Variants in POU6F2 observed in about 807,000 individuals in gnomAD.
POU6F2 encodes the protein POU class 6 homeobox 2.
POU6F2 carries 31 observed loss-of-function variants against 71.3 expected under a neutral mutation model. The ratio of observed to expected loss-of-function variants is 0.43; its 90% confidence interval spans 0.33 to 0.59. The LOEUF (loss-of-function observed/expected upper bound fraction) is 0.59, where lower values mean the gene tolerates loss of function less well. Among genes scored for constraint, POU6F2 ranks in the 20% least tolerant of loss-of-function variants. The pLI is 0.04. For synonymous variants in POU6F2, 347 were observed against 355.7 expected, an observed-to-expected ratio of 0.98 and a Z score of 0.27; for missense variants, 783 against 856.8, an observed-to-expected ratio of 0.91 and a Z score of 1.07.
At position 39,030,500 on chromosome 7, in the gene POU6F2, CTATATATATATATATATATATATA is replaced by C. The variant is rs58426134; in HGVS notation, c.105+52463_105+52486del. On this transcript the variant is annotated intron_variant, in intron 1 of 9. Transcript: ENST00000518318. ...TCCTGTATTGAACTTTCAAAAAATA[CTATATATATATATATATATATATA>C]TATATATATATATATATATACACAC... Among the ~76,000 whole-genome samples the C allele has an allele frequency of 1.6e-3, 74 of 46,244 alleles. 6 individuals are homozygous for C. The East Asian group carries it at 0.033, about 21-fold the overall frequency. 30.3% of individuals were successfully genotyped at this position (46,244 alleles called of 152,430 possible). A position where few individuals can be genotyped will look rare whatever the true frequency, so the allele number is the denominator to read the frequency against.
chr7:39,282,875 TG>T (rs1562775845), intron 4 of POU6F2, among the ~76,000 whole-genome samples: 2 of 152,142 alleles, frequency 1.3e-5, no homozygotes, highest in Non-Finnish European at 2.9e-5. Context: ...TTGGGTAGTA[TG>T]AACATTTTAA....
intron 1 of POU6F2, among the ~76,000 whole-genome samples, chr7:39,031,650 A>G (rs1328878101): frequency 1.3e-5 from 2 of 152,080 alleles, no homozygotes; most frequent in Non-Finnish European, 2.9e-5. Context: ...TGGGAGGCCA[A>G]AGTGGGCATA....
At position 39,397,814 on chromosome 7, in the gene POU6F2, G is replaced by GTATATATATATATATATATATATA. The variant is rs150006644; in HGVS notation, c.973-8766_973-8765insTATATATATATATATATATATATA. On this transcript the variant is annotated intron_variant, in intron 5 of 9. Coordinates refer to ENST00000518318, the MANE Select transcript of POU6F2 (RefSeq NM_001370959.1). ...ATAATATGTATTTTATATATTTTGTGTATATATATATATATATATAGTAGA... is the reference window on the plus strand; with the variant it reads ...ATAATATGTATTTTATATATTTTGTGTATATATATATATATATATATATATATATATATATATATATATAGTAGA... Among the ~76,000 whole-genome samples, 1,074 of 128,136 alleles carry GTATATATATATATATATATATATA rather than the reference G, an allele frequency of 8.4e-3. 43 individuals carry two copies. The highest frequency in any genetic ancestry group is 0.027 in the African/African-American group (820 of 30,416). 84.1% of individuals were successfully genotyped at this position (128,136 alleles called of 152,430 possible). A position where few individuals can be genotyped will look rare whatever the true frequency, so the allele number is the denominator to read the frequency against.
At chr7:39,368,376 A>G (rs1217233354) in intron 5 of POU6F2, among the ~76,000 whole-genome samples, 1 of 152,246 alleles carries the variant, frequency 6.6e-6, no homozygotes, top group Non-Finnish European at 1.5e-5. Context: ...CAATTGTATG[A>G]AGGCTGAGAG....
intron 1 of POU6F2, among the ~76,000 whole-genome samples, chr7:39,084,732 G>A (rs1159704376): frequency 6.6e-5 from 10 of 151,994 alleles, no homozygotes; most frequent in Admixed American, 5.9e-4. Context: ...ATAAAACACA[G>A]GCATACCGCA....
In POU6F2 at chr7:39,034,739, T is replaced by G. The variant is rs536203893; in HGVS notation, c.106-51121T>G. 5.9e-5 allele frequency among the ~76,000 whole-genome samples: 9 copies of G among 152,268 alleles called. 1 individual carries two copies. The South Asian group carries it at 1.9e-3, about 32-fold the overall frequency. On this transcript the variant is annotated intron_variant, in intron 1 of 9. Transcript: ENST00000518318. Reference sequence around the variant, plus strand: ...TAGATTGCATTACAAATAGGTTGTTTATGATCATAATTGAGGTGATGTGGT... The same window carrying G: ...TAGATTGCATTACAAATAGGTTGTTGATGATCATAATTGAGGTGATGTGGT...
chr7:39,010,171 T>C (rs1789226257), intron 1 of POU6F2, among the ~76,000 whole-genome samples: 1 of 135,998 alleles, frequency 7.4e-6, no homozygotes, highest in African/African-American at 2.6e-5. Flanking sequence ...TTTTGGTTGG[T>C]AAGCTATTGA....
chr7:38,996,884 T>C (rs112178700), intron 1 of POU6F2, among the ~76,000 whole-genome samples: 1 of 152,162 alleles, frequency 6.6e-6, no homozygotes, highest in Non-Finnish European at 1.5e-5. Flanking sequence ...CTTTAATGAA[T>C]GGACAGAGCA....
At chr7:39,176,455 A>T (rs1196156870) in intron 2 of POU6F2, among the ~76,000 whole-genome samples, 1 of 152,172 alleles carries the variant, frequency 6.6e-6, no homozygotes, top group Non-Finnish European at 1.5e-5. Context: ...TGCCCTCATG[A>T]AGCCCCCTCT....
chr7:39,351,720 G>T (rs558205175), intron 5 of POU6F2, among the ~76,000 whole-genome samples: 1 of 152,286 alleles, frequency 6.6e-6, no homozygotes, highest in East Asian at 1.9e-4. Context: ...GATGCAGCGG[G>T]TTGCTCACCT....
intron 2 of POU6F2, among the ~76,000 whole-genome samples, chr7:39,140,125 T>A (rs1284602772): frequency 6.6e-6 from 1 of 152,190 alleles, no homozygotes; most frequent in Non-Finnish European, 1.5e-5. Flanking sequence ...TCAAATGGGA[T>A]GGGAAAGAGC....
chr7:39,211,720 G>A (rs1001308390), intron 4 of POU6F2, among the ~76,000 whole-genome samples: 3 of 152,174 alleles, frequency 2.0e-5, no homozygotes, highest in Non-Finnish European at 4.4e-5. Flanking sequence ...AACCTGGAAT[G>A]AATTTGGGCA....
intron 4 of POU6F2, among the ~76,000 whole-genome samples, chr7:39,289,778 G>T (rs377460545): frequency 1.3e-5 from 2 of 152,260 alleles, no homozygotes; most frequent in South Asian, 4.2e-4. Context: ...AGTATAGCAC[G>T]CAGGTCATTT....
chr7:39,129,793 G>A (rs1792221879), intron 2 of POU6F2, among the ~76,000 whole-genome samples: 1 of 152,100 alleles, frequency 6.6e-6, no homozygotes, highest in Admixed American at 6.5e-5. Flanking sequence ...GCCGGGCGCT[G>A]TGGCTCACGC....
intron 2 of POU6F2, among the ~76,000 whole-genome samples, chr7:39,158,232 T>G (rs1198566563): frequency 6.6e-6 from 1 of 152,146 alleles, no homozygotes; most frequent in African/African-American, 2.4e-5. Flanking sequence ...TTTAAAAGCA[T>G]TCGTCATTCA....
rs1192892394 is a variant in POU6F2 at position 39,023,193 on chromosome 7, A to T, written c.105+45135A>T. On this transcript the variant is annotated intron_variant, in intron 1 of 9. Transcript: ENST00000518318. ...TGCCTAGTTTTAAGATTAGTTTTTT[A>T]AAAATAATTGTTTTGCAGGAATTTA... 3.3e-5 allele frequency among the ~76,000 whole-genome samples: 5 copies of T among 152,118 alleles called. No homozygotes were observed. In the East Asian group the frequency reaches 9.6e-4, roughly 29 times the overall value.
chr7:39,274,179 A>G (rs1447930267), intron 4 of POU6F2, among the ~76,000 whole-genome samples: 1 of 152,204 alleles, frequency 6.6e-6, no homozygotes, highest in African/African-American at 2.4e-5. Context: ...AAAAAGAGAG[A>G]AGAATCAAAT....
intron 1 of POU6F2, among the ~76,000 whole-genome samples, chr7:39,026,721 G>A (rs1789813763): frequency 6.6e-6 from 1 of 152,038 alleles, no homozygotes; most frequent in Non-Finnish European, 1.5e-5. Context: ...TGCACATTGT[G>A]CACATGTACC....
At chr7:39,410,684 T>G (rs957431763) in intron 6 of POU6F2, among the ~76,000 whole-genome samples, 1 of 152,190 alleles carries the variant, frequency 6.6e-6, no homozygotes, top group South Asian at 2.1e-4. Context: ...TTATGAAGAT[T>G]AAATGAGATA....
Sources: gnomAD v4.1 joint callset for allele counts (sites outside exome capture counted in the v4.1 genomes callset) on GRCh38, gnomAD v4.1.1 for gene constraint, MANE v1.5 for transcripts, NCBI Gene and HGNC (gene_info 2026-07-23, HGNC 2026-07-21) for gene names.